YTHDC2: variants seen among roughly 807,000 people sequenced by gnomAD.
The protein encoded by YTHDC2 is 3'-5' RNA helicase YTHDC2.
A neutral mutation model predicts 174.9 loss-of-function variants in YTHDC2; 45 were observed. That is an observed-to-expected ratio of 0.26 (90% CI 0.20 to 0.33). YTHDC2 has a LOEUF of 0.33. YTHDC2 is among the 10% of genes least tolerant of loss of function. The pLI is 1.00. For synonymous variants in YTHDC2, 657 were observed against 574.5 expected, an observed-to-expected ratio of 1.14 and a Z score of -2.05; for missense variants, 1,650 against 1,723.7, an observed-to-expected ratio of 0.96 and a Z score of 0.76.
intron 26 of YTHDC2, among the ~76,000 whole-genome samples, chr5:113,588,686 G>A (rs1010672668): frequency 6.6e-6 from 1 of 151,588 alleles, no homozygotes; most frequent in Non-Finnish European, 1.5e-5. Flanking sequence ...GCAGTGGCGC[G>A]ATCTCGGCTC....
intron 4 of YTHDC2, among the ~76,000 whole-genome samples, chr5:113,527,421 A>T (rs1218421425): frequency 6.6e-6 from 1 of 152,146 alleles, no homozygotes; most frequent in African/African-American, 2.4e-5. Flanking sequence ...ACATCATATG[A>T]CTCTTGTGTA....
At chr5:113,530,327 A>C (rs11956733) in intron 4 of YTHDC2, among the ~76,000 whole-genome samples, 5,256 of 151,854 alleles carry the variant, frequency 0.035, 333 homozygotes, top group African/African-American at 0.12. Flanking sequence ...CTATTTCTAA[A>C]ATTTTTCTTA....
chr5:113,577,510 A>C (rs1778129567), intron 23 of YTHDC2, among the ~76,000 whole-genome samples: 1 of 151,802 alleles, frequency 6.6e-6, no homozygotes, highest in African/African-American at 2.4e-5. Context: ...GCTGGGACTA[A>C]AGGCACACAC....
rs1778402270 is a variant in YTHDC2, at chr5:113,581,530, T to C, written c.3468T>C (p.Ile1156=). ...TTGATGAAGCTACCATAAGAGCAAT[T>C]ATAGCTGTTTTAAGCACTGAAGAAC... is the stretch of plus-strand genomic sequence containing the variant. ...SQVDEATIRA[I]IAVLSTEEQS... is the part of the protein sequence containing the mutation. Residue 1156 remains isoleucine, a synonymous_variant, in exon 25 of 30, where the codon ATT becomes ATC. Coordinates refer to ENST00000161863, the MANE Select transcript of YTHDC2 (RefSeq NM_022828.5). 2 of 1,614,000 alleles carry C rather than the reference T, an allele frequency of 1.2e-6. No individual in the cohort carries two copies. The highest frequency in any genetic ancestry group is 1.7e-6 in the Non-Finnish European group (2 of 1,179,904).
At chr5:113,566,862 C>G (rs550544605) in intron 21 of YTHDC2, among the ~76,000 whole-genome samples, 33 of 108,076 alleles carry the variant, frequency 3.1e-4, no homozygotes, top group African/African-American at 1.2e-3. Flanking sequence ...GATTCTTATA[C>G]TTAATCTAAC....
intron 8 of YTHDC2, among the ~76,000 whole-genome samples, chr5:113,540,744 T>C (rs112484456): frequency 3.3e-5 from 5 of 152,334 alleles, no homozygotes; most frequent in African/African-American, 1.2e-4. Context: ...GGTGGAGACA[T>C]AAAGCCTAAC....
chr5:113,570,232 G>C (rs550450991), intron 23 of YTHDC2, among the ~76,000 whole-genome samples: 102 of 151,958 alleles, frequency 6.7e-4, no homozygotes, highest in Non-Finnish European at 1.3e-3. Flanking sequence ...GAGTAGCTGG[G>C]ATTACAGGCA....
At chr5:113,584,621 C>A in intron 26 of YTHDC2, 142 bp downstream of exon 26, 1 of 688,278 alleles carries the variant, frequency 1.5e-6, no homozygotes, top group Non-Finnish European at 2.3e-6. Context: ...AAACTTGATA[C>A]AGTTTGAGTA....
chr5:113,527,325 G>C lies in YTHDC2; in HGVS notation c.675+540G>C, dbSNP rs530858954. On this transcript the variant is annotated intron_variant, in intron 4 of 29. Transcript: ENST00000161863. ...GTTGACTGTAGAATGGAATTAATAT[G>C]ATAGGTTTGACTTGCATTTTTAGAA... Among the ~76,000 whole-genome samples the C allele has an allele frequency of 2.0e-5, 3 of 152,282 alleles. No individual in the cohort carries two copies. The South Asian group carries it at 6.2e-4, about 32-fold the overall frequency.
chr5:113,560,473 G>T (rs1054091895), intron 17 of YTHDC2, among the ~76,000 whole-genome samples: 3 of 152,134 alleles, frequency 2.0e-5, no homozygotes, highest in Non-Finnish European at 4.4e-5. Context: ...ATGTGTTATA[G>T]TGATGATTGC....
chr5:113,564,016 G>A lies in YTHDC2; in HGVS notation c.2600G>A (p.Arg867Gln), dbSNP rs758989249. Residue 867 changes from arginine (R) to glutamine (Q), a missense_variant, in exon 20 of 30, where the codon CGA becomes CAA. Arg to Gln is a conservative substitution (Grantham distance 43). This residue lies in a region of YTHDC2 where 913 missense variants were observed against 940.4 expected (regional missense o/e 0.97). Transcript: ENST00000161863. ...ACAATTGCTTGCACACTAGCTTATCGAGATCCTTTTGTACTACCTACTCAG... is the reference window on the plus strand; with the variant it reads ...ACAATTGCTTGCACACTAGCTTATCAAGATCCTTTTGTACTACCTACTCAG... ...ILTIACTLAY[R>Q]DPFVLPTQAS... 5 of 1,614,010 alleles carry A rather than the reference G, an allele frequency of 3.1e-6. No homozygotes were observed. Among genetic ancestry groups the A allele is most frequent in the East Asian group, 4.5e-5 (2 of 44,846 alleles).
chr5:113,527,801 T>A (rs2112560503), intron 4 of YTHDC2, among the ~76,000 whole-genome samples: 1 of 152,244 alleles, frequency 6.6e-6, no homozygotes, highest in South Asian at 2.1e-4. Context: ...TGTTTTTTAT[T>A]TTTTTGAGAC....
rs114006982 is a variant in YTHDC2 at position 113,590,376 on chromosome 5, A to T, written c.3826-665A>T. 2.1e-3 allele frequency among the ~76,000 whole-genome samples: 324 copies of T among 152,314 alleles called. 3 individuals carry two copies. Among genetic ancestry groups the T allele is most frequent in the African/African-American group, 7.4e-3 (308 of 41,580 alleles). The stretch of plus-strand genomic sequence containing the variant: ...CAGTACCATATATATTACAGGTTCT[A>T]TCTGTTCTGGCTGAAGATAACACGA... On this transcript the variant is annotated intron_variant, in intron 26 of 29. Transcript: ENST00000161863.
At chr5:113,541,631 C>T (rs1422614985) in intron 9 of YTHDC2, among the ~76,000 whole-genome samples, 4 of 151,936 alleles carry the variant, frequency 2.6e-5, no homozygotes, top group African/African-American at 7.3e-5. Context: ...GTATGTAATG[C>T]AGATATGTTT....
At chr5:113,555,606 T>A (rs1050794980) in intron 16 of YTHDC2, among the ~76,000 whole-genome samples, 1 of 152,192 alleles carries the variant, frequency 6.6e-6, no homozygotes, top group Non-Finnish European at 1.5e-5. Context: ...GATAAGATTA[T>A]TGATTGTTAT....
Position 113,523,121 on chromosome 5 carries a change from A to G in YTHDC2, c.279-1860A>G, listed in dbSNP as rs77733986. Among the ~76,000 whole-genome samples, 988 of 152,250 alleles carry G rather than the reference A, an allele frequency of 6.5e-3. 7 individuals are homozygous for G. The highest frequency in any genetic ancestry group is 0.022 in the African/African-American group (921 of 41,572). On this transcript the variant is annotated intron_variant, in intron 2 of 29. Coordinates refer to ENST00000161863, the MANE Select transcript of YTHDC2 (RefSeq NM_022828.5). ...TGGCTTCTACCACAGTGCCTGGCATAAAGTCAGTGTTTAGTTAATAGATGA... is the reference window on the plus strand; with the variant it reads ...TGGCTTCTACCACAGTGCCTGGCATGAAGTCAGTGTTTAGTTAATAGATGA...
chr5:113,590,545 G>C lies in YTHDC2; in HGVS notation c.3826-496G>C, dbSNP rs1580662232. Among the ~76,000 whole-genome samples the C allele has an allele frequency of 2.6e-5, 4 of 152,282 alleles. 1 individual carries two copies. Among genetic ancestry groups the C allele is most frequent in the Admixed American group, 2.6e-4 (4 of 15,284 alleles). On this transcript the variant is annotated intron_variant, in intron 26 of 29. Coordinates refer to ENST00000161863, the MANE Select transcript of YTHDC2 (RefSeq NM_022828.5). ...GCCAAAAACTTGTGGGAACCCCTCT[G>C]TGTTTCCTTTGGAGCTCTCTTTATG...
In YTHDC2 at chr5:113,522,976, G is replaced by GT. The variant is rs111569977; in HGVS notation, c.279-1997dup. Among the ~76,000 whole-genome samples the GT allele has an allele frequency of 2.7e-3, 410 of 151,810 alleles. 1 individual carries two copies. The highest frequency in any genetic ancestry group is 0.015 in the East Asian group (77 of 5,178). On this transcript the variant is annotated intron_variant, in intron 2 of 29. Coordinates refer to ENST00000161863, the MANE Select transcript of YTHDC2 (RefSeq NM_022828.5). ...AGTAGTCCCACCTGCTTATTATGAG[G>GT]TTTTTTTTAATACCTAAATGCTATA...
At chr5:113,580,245 T>A (rs1179337112) in intron 24 of YTHDC2, among the ~76,000 whole-genome samples, 1 of 152,110 alleles carries the variant, frequency 6.6e-6, no homozygotes, top group Admixed American at 6.6e-5. Context: ...ACATGAAGTT[T>A]TGGAGGGGAC....
Sources: allele counts gnomAD v4.1 joint callset (sites outside exome capture counted in the v4.1 genomes callset), GRCh38; gene constraint gnomAD v4.1.1; regional missense constraint gnomAD v4.1.1; transcripts MANE v1.5; gene names NCBI Gene and HGNC (gene_info 2026-07-23, HGNC 2026-07-21).